The following ZNF503 variants were observed in gnomAD, a reference collection of about 807,000 sequenced individuals.
The protein encoded by ZNF503 is zinc finger protein 503, also known as NocA-like zinc finger 2.
ZNF503 carries 15 observed loss-of-function variants against 34.4 expected under a neutral mutation model. The ratio of observed to expected loss-of-function variants is 0.44; its 90% CI spans 0.29 to 0.67. The LOEUF (loss-of-function observed/expected upper bound fraction) is 0.67, where lower values mean the gene tolerates loss of function less well. ZNF503 is among the 30% of genes least tolerant of loss of function. ZNF503 has a pLI of 0.13. For missense variants in ZNF503, 1,007 were observed against 926.8 expected (o/e 1.09, Z -1.12); for synonymous variants, 580 against 456.8 (o/e 1.27, Z -3.44).
the ZNF503 span, among the ~76,000 whole-genome samples, chr10:75,374,689 T>A: frequency 2.0e-5 from 3 of 152,228 alleles, no homozygotes; most frequent in African/African-American, 7.2e-5. Flanking sequence ...CTTGTCTTTC[T>A]CCATTGGAAG....
chr10:75,299,532 G>A, the ZNF503 span, among the ~76,000 whole-genome samples: 6 of 152,224 alleles, frequency 3.9e-5, no homozygotes, highest in East Asian at 9.7e-4. Context: ...ATTTCCTAAT[G>A]TATTTACAAT....
At chr10:75,393,911 AAAAAT>A (rs1843670224), downstream of ZNF503, among the ~76,000 whole-genome samples, 1 of 152,186 alleles carries the variant, frequency 6.6e-6, no homozygotes, top group African/African-American at 2.4e-5. Flanking sequence ...ATCCCCATTA[AAAAAT>A]AAAATAATAA....
chr10:75,298,346 C>T, the ZNF503 span, among the ~76,000 whole-genome samples: 3 of 152,326 alleles, frequency 2.0e-5, no homozygotes, highest in South Asian at 2.1e-4. Flanking sequence ...TTCATAGTCA[C>T]TCCCCACTTT....
At chr10:75,363,522 G>A in the ZNF503 span, among the ~76,000 whole-genome samples, 1 of 152,188 alleles carries the variant, frequency 6.6e-6, no homozygotes, top group Non-Finnish European at 1.5e-5. Context: ...TGTGCTGTCT[G>A]GATCCTGCAA....
Position 75,399,039 on chromosome 10 carries a change from G to A in ZNF503, c.1651C>T (p.Leu551=), listed in dbSNP as rs766045240. 2.0e-5 allele frequency: 32 copies of A among 1,612,322 alleles called. No individual in the cohort carries two copies. In the African/African-American group the frequency reaches 4.3e-4, roughly 22 times the overall value. The change falls in exon 2 of 2, where the codon CTG becomes TTG. Residue 551 remains leucine (L), a synonymous_variant. Coordinates refer to ENST00000372524, the MANE Select transcript of ZNF503 (RefSeq NM_032772.6). Reference sequence around the variant, plus strand: ...GACGAGCTGGGGTAGCCCGACAGCAGTTTGTCTGTCCCGGGAAATGCCGTA... The same window carrying A: ...GACGAGCTGGGGTAGCCCGACAGCAATTTGTCTGTCCCGGGAAATGCCGTA... ...THTAFPGTDK[L]LSGYPSSSSL...
the ZNF503 span, among the ~76,000 whole-genome samples, chr10:75,385,078 T>G: frequency 6.6e-6 from 1 of 152,144 alleles, no homozygotes; most frequent in Non-Finnish European, 1.5e-5. Context: ...GGGGGTTCTC[T>G]ATGGGGCCAC....
rs548700732 is a variant in ZNF503, at chr10:75,398,450, T to A, written c.*299A>T. 1 of 281,040 alleles carries A rather than the reference T, an allele frequency of 3.6e-6. No homozygotes were observed. Among genetic ancestry groups the A allele is most frequent in the African/African-American group, 2.2e-5 (1 of 46,096 alleles). 17.4% of individuals were successfully genotyped at this position (281,040 alleles called of 1,614,324 possible). On this transcript the variant is annotated 3_prime_UTR_variant, in exon 2 of 2. Coordinates refer to ENST00000372524, the MANE Select transcript of ZNF503 (RefSeq NM_032772.6). ...TAAATACCAGTGTCCACCGATGCAG[T>A]CCTCAGATGAACACTTTCTCAATTA...
the ZNF503 span, among the ~76,000 whole-genome samples, chr10:75,384,403 C>T: frequency 6.6e-6 from 1 of 152,152 alleles, no homozygotes; most frequent in Admixed American, 6.5e-5. Context: ...CTCACACAGG[C>T]ACCAGCACAC....
the ZNF503 span, among the ~76,000 whole-genome samples, chr10:75,377,481 T>G: frequency 6.6e-6 from 1 of 152,268 alleles, no homozygotes; most frequent in Non-Finnish European, 1.5e-5. Context: ...CATTCTGAAA[T>G]AAATCATGGC....
At chr10:75,341,797 T>C in the ZNF503 span, among the ~76,000 whole-genome samples, 2 of 152,180 alleles carry the variant, frequency 1.3e-5, no homozygotes, top group Non-Finnish European at 2.9e-5. Flanking sequence ...TATTAATGAT[T>C]TCAATTACTA....
the ZNF503 span, among the ~76,000 whole-genome samples, chr10:75,375,287 AT>A: frequency 6.6e-6 from 1 of 150,786 alleles, no homozygotes. Flanking sequence ...CACCTGGCTA[AT>A]TTTTTTGTAT....
chr10:75,301,875 C>A, the ZNF503 span, among the ~76,000 whole-genome samples: 1 of 152,026 alleles, frequency 6.6e-6, no homozygotes, highest in Non-Finnish European at 1.5e-5. Flanking sequence ...TGCAATCTTG[C>A]ATTTTAAAAA....
the ZNF503 span, among the ~76,000 whole-genome samples, chr10:75,324,703 A>G: frequency 2.6e-5 from 4 of 152,026 alleles, no homozygotes; most frequent in African/African-American, 9.7e-5. Flanking sequence ...CATAATATTC[A>G]CTCCTTTAAA....
At chr10:75,333,943 G>C in the ZNF503 span, among the ~76,000 whole-genome samples, 1 of 65,994 alleles carries the variant, frequency 1.5e-5, no homozygotes, top group Admixed American at 1.2e-4. Flanking sequence ...GACGATGGGC[G>C]GCCCGGCAGA....
At chr10:75,365,159 T>G in the ZNF503 span, among the ~76,000 whole-genome samples, 1 of 152,208 alleles carries the variant, frequency 6.6e-6, no homozygotes, top group African/African-American at 2.4e-5. Context: ...TTTTCCTTTT[T>G]TTTCTTTGAG....
the ZNF503 span, among the ~76,000 whole-genome samples, chr10:75,317,578 C>T: frequency 6.6e-6 from 1 of 152,034 alleles, no homozygotes; most frequent in Non-Finnish European, 1.5e-5. Context: ...AGCCACTGCT[C>T]CCGGCCCCCA....
chr10:75,401,545 G>C lies in ZNF503; in HGVS notation c.-126C>G. On this transcript the variant is annotated 5_prime_UTR_variant, in exon 1 of 2. Transcript: ENST00000372524. ...GAGGAGGAGCTGGCGCGGCGGCCAC[G>C]GGCGCCCAGCGCGCCTTCTCGGCGC... The C allele has an allele frequency of 2.5e-6, 3 of 1,222,076 alleles. No homozygotes were observed. The highest frequency in any genetic ancestry group is 1.1e-6 in the Non-Finnish European group (1 of 891,750). 75.7% of individuals were successfully genotyped at this position (1,222,076 alleles called of 1,614,324 possible). A position where few individuals can be genotyped will look rare whatever the true frequency, so the allele number is the denominator to read the frequency against.
At chr10:75,335,579 T>C in the ZNF503 span, among the ~76,000 whole-genome samples, 1 of 152,230 alleles carries the variant, frequency 6.6e-6, no homozygotes, top group African/African-American at 2.4e-5. Context: ...GCTTTCAAGA[T>C]CACTAACAGT....
At position 75,398,741 on chromosome 10, in the gene ZNF503, GGCC is replaced by G; in HGVS notation, c.*5_*7del. On this transcript the variant is annotated 3_prime_UTR_variant, in exon 2 of 2. Coordinates refer to ENST00000372524, the MANE Select transcript of ZNF503 (RefSeq NM_032772.6). Reference sequence around the variant, plus strand: ...CCTCCTCTCCCTCGCTCGCCCTCCCGGCCGCCCTCACTGATACCCCAGCGCCGA... The same window carrying G: ...CCTCCTCTCCCTCGCTCGCCCTCCCGGCCCTCACTGATACCCCAGCGCCGA... 1 of 1,370,732 alleles carries G rather than the reference GGCC, an allele frequency of 7.3e-7. No homozygotes were observed. The highest frequency in any genetic ancestry group is 9.4e-7 in the Non-Finnish European group (1 of 1,066,132). The allele number at this position is 1,370,732 out of a possible 1,614,324, so 84.9% of individuals were successfully genotyped here. A position where few individuals can be genotyped will look rare whatever the true frequency, so the allele number is the denominator to read the frequency against.
Sources: allele counts gnomAD v4.1 joint callset (sites outside exome capture counted in the v4.1 genomes callset), GRCh38; gene constraint gnomAD v4.1.1; transcripts MANE v1.5; gene names NCBI Gene and HGNC (gene_info 2026-07-23, HGNC 2026-07-21).